Variants in LRRC4C observed in about 807,000 individuals in gnomAD.
LRRC4C encodes leucine rich repeat containing 4C, also known as leucine-rich repeat-containing protein 4C.
In LRRC4C, 5 loss-of-function variants were observed where a neutral mutation model predicts 33.6. The ratio of observed to expected loss-of-function variants is 0.15; its 90% CI spans 0.08 to 0.31. The LOEUF (loss-of-function observed/expected upper bound fraction) is 0.31, where lower values mean the gene tolerates loss of function less well. Among genes scored for constraint, LRRC4C ranks in the 10% least tolerant of loss-of-function variants. The pLI is 1.00. For missense variants in LRRC4C, 560 were observed against 796.7 expected (o/e 0.70, Z 3.58); for synonymous variants, 329 against 302.0 (o/e 1.09, Z -0.93).
At chr11:40,499,130 C>A (rs1954616567) in intron 3 of LRRC4C, among the ~76,000 whole-genome samples, 1 of 152,148 alleles carries the variant, frequency 6.6e-6, no homozygotes, top group Non-Finnish European at 1.5e-5. Flanking sequence ...AGGAGAGCCT[C>A]CCTGCTGGAG....
At chr11:40,492,335 C>T (rs2138525724) in intron 3 of LRRC4C, among the ~76,000 whole-genome samples, 1 of 152,188 alleles carries the variant, frequency 6.6e-6, no homozygotes, top group South Asian at 2.1e-4. Context: ...TAAGTAGATC[C>T]CACAGATATA....
chr11:40,960,874 C>G (rs759147320), intron 1 of LRRC4C, among the ~76,000 whole-genome samples: 1 of 151,714 alleles, frequency 6.6e-6, no homozygotes, highest in African/African-American at 2.4e-5. Context: ...TATAATGACA[C>G]TTTCCACCAG....
rs118001795 is a variant in LRRC4C at position 40,796,166 on chromosome 11, C to T, written c.-407+137469G>A. On this transcript the variant is annotated intron_variant, in intron 2 of 6. Transcript: ENST00000528697. ...CCTAAACAGTAAATTTGTCTAATTCCTATGCATGCCCTGAGTGGGAGCTTG... is the reference window on the plus strand; with the variant it reads ...CCTAAACAGTAAATTTGTCTAATTCTTATGCATGCCCTGAGTGGGAGCTTG... Among the ~76,000 whole-genome samples, 62 of 152,204 alleles carry T rather than the reference C, an allele frequency of 4.1e-4. No individual in the cohort carries two copies. The East Asian group carries it at 0.011, about 27-fold the overall frequency.
At chr11:41,352,967 A>G (rs1369953056) in intron 1 of LRRC4C, among the ~76,000 whole-genome samples, 1 of 152,116 alleles carries the variant, frequency 6.6e-6, no homozygotes, top group African/African-American at 2.4e-5. Flanking sequence ...AAAGAACGAG[A>G]AAAACAAGAG....
intron 6 of LRRC4C, among the ~76,000 whole-genome samples, chr11:40,128,266 A>G (rs1348911194): frequency 6.6e-6 from 1 of 152,212 alleles, no homozygotes. Flanking sequence ...AAAAGCCGCT[A>G]CCATGTGACC....
At chr11:41,026,566 C>T (rs775103945) in intron 1 of LRRC4C, among the ~76,000 whole-genome samples, 13 of 151,138 alleles carry the variant, frequency 8.6e-5, no homozygotes, top group Non-Finnish European at 1.3e-4. Flanking sequence ...GTGGGTAAAA[C>T]GCTATCAAAC....
In LRRC4C at chr11:41,065,533, G is replaced by A. The variant is rs147752479; in HGVS notation, c.-495-131810C>T. 2.3e-3 allele frequency among the ~76,000 whole-genome samples: 346 copies of A among 152,222 alleles called. 3 individuals are homozygous for A. Among genetic ancestry groups the A allele is most frequent in the African/African-American group, 7.9e-3 (328 of 41,544 alleles). ...AAGAGAGTGGCTGATCCTGACAAGG[G>A]GCATTCTCCCAGCATAGCGCACCAG... On this transcript the variant is annotated intron_variant, in intron 1 of 6. Coordinates refer to ENST00000528697, the MANE Select transcript of LRRC4C (RefSeq NM_001258419.2).
chr11:40,340,170 C>T (rs1384317730), intron 3 of LRRC4C, among the ~76,000 whole-genome samples: 1 of 152,144 alleles, frequency 6.6e-6, no homozygotes, highest in Non-Finnish European at 1.5e-5. Context: ...ATTTCTACTT[C>T]ATATCCTATT....
intron 1 of LRRC4C, among the ~76,000 whole-genome samples, chr11:40,980,822 G>A (rs1852465737): frequency 6.6e-6 from 1 of 152,146 alleles, no homozygotes; most frequent in Admixed American, 6.5e-5. Flanking sequence ...AGATGTTGAA[G>A]AATCTCTTCA....
At chr11:40,481,273 G>T (rs985862626) in intron 3 of LRRC4C, among the ~76,000 whole-genome samples, 1 of 151,888 alleles carries the variant, frequency 6.6e-6, no homozygotes, top group African/African-American at 2.4e-5. Context: ...AATTCTTCTT[G>T]CCTCTCAGTG....
At chr11:41,292,830 A>G (rs1391851213) in intron 1 of LRRC4C, among the ~76,000 whole-genome samples, 1 of 152,122 alleles carries the variant, frequency 6.6e-6, no homozygotes, top group Admixed American at 6.5e-5. Context: ...ATCTTAAAAA[A>G]TTTTTCAGGA....
intron 1 of LRRC4C, among the ~76,000 whole-genome samples, chr11:41,022,308 A>AT (rs1347987409): frequency 2.9e-5 from 2 of 68,408 alleles, no homozygotes; most frequent in Non-Finnish European, 7.0e-5. Context: ...TTTATCTTTA[A>AT]AAAAAGTGAA....
intron 3 of LRRC4C, among the ~76,000 whole-genome samples, chr11:40,584,104 G>T (rs1219544459): frequency 2.0e-5 from 3 of 146,832 alleles, no homozygotes; most frequent in Admixed American, 7.0e-5. Context: ...TGTGGAGCAG[G>T]TTTTCTCAAC....
At chr11:40,523,469 G>T (rs1428330850) in intron 3 of LRRC4C, among the ~76,000 whole-genome samples, 2 of 150,514 alleles carry the variant, frequency 1.3e-5, no homozygotes, top group Non-Finnish European at 3.0e-5. Context: ...TTACCATCCT[G>T]CAGTCTTACT....
chr11:40,726,465 C>A (rs1947297501), intron 2 of LRRC4C, among the ~76,000 whole-genome samples: 1 of 152,088 alleles, frequency 6.6e-6, no homozygotes, highest in Non-Finnish European at 1.5e-5. Flanking sequence ...AATCAAGTAG[C>A]CTTCATTCCT....
intron 2 of LRRC4C, among the ~76,000 whole-genome samples, chr11:40,722,162 G>C (rs776493958): frequency 6.6e-6 from 1 of 152,076 alleles, no homozygotes; most frequent in Non-Finnish European, 1.5e-5. Context: ...TGGGGAGGGA[G>C]ATATTTTTAT....
chr11:40,392,085 C>T (rs541463123), intron 3 of LRRC4C, among the ~76,000 whole-genome samples: 1 of 152,178 alleles, frequency 6.6e-6, no homozygotes, highest in South Asian at 2.1e-4. Flanking sequence ...ATATGACATT[C>T]TGGGAAAGGC....
chr11:40,793,993 A>G (rs970660827), intron 2 of LRRC4C, among the ~76,000 whole-genome samples: 3 of 152,252 alleles, frequency 2.0e-5, no homozygotes, highest in East Asian at 3.9e-4. Context: ...ACTAGACTTC[A>G]TATAAGCTGA....
intron 3 of LRRC4C, among the ~76,000 whole-genome samples, chr11:40,358,456 C>G (rs1176352754): frequency 6.6e-6 from 1 of 151,910 alleles, no homozygotes; most frequent in Non-Finnish European, 1.5e-5. Flanking sequence ...AATTTTTGTA[C>G]TTTTAGTAGA....
Sources: gnomAD v4.1 joint callset for allele counts (sites outside exome capture counted in the v4.1 genomes callset) on GRCh38, gnomAD v4.1.1 for gene constraint, MANE v1.5 for transcripts, NCBI Gene and HGNC (gene_info 2026-07-23, HGNC 2026-07-21) for gene names.